The following CAGE1 variants were observed in gnomAD, a reference collection of about 807,000 sequenced individuals.
The protein encoded by CAGE1 is cancer antigen 1.
In CAGE1, 66 loss-of-function variants were observed where a neutral mutation model predicts 94.9. The observed-to-expected ratio is 0.70, with a 90% CI of 0.57 to 0.85. CAGE1 has a LOEUF of 0.85. Ranked by LOEUF, CAGE1 falls within the 40% of genes least tolerant of loss-of-function variation. The pLI is 0.00. For missense variants in CAGE1, 865 were observed against 950.4 expected, an observed-to-expected ratio of 0.91 and a Z score of 1.18; for synonymous variants, 319 against 321.0, an observed-to-expected ratio of 0.99 and a Z score of 0.07.
At chr6:7,341,358 T>C in intron 11 of CAGE1, 1 of 744,164 alleles carries the variant, frequency 1.3e-6, no homozygotes, top group South Asian at 1.4e-5. Context: ...GGTCCTGTTG[T>C]GATCAGGCAG....
intron 11 of CAGE1, among the ~76,000 whole-genome samples, chr6:7,346,926 G>A (rs1206000862): frequency 2.6e-5 from 4 of 152,038 alleles, no homozygotes; most frequent in African/African-American, 7.2e-5. Context: ...TTATGATAAA[G>A]CCTAAATTCA....
Position 7,377,303 on chromosome 6 carries a change from T to C in CAGE1, c.687+1314A>G, listed in dbSNP as rs1246426660. Among the ~76,000 whole-genome samples the C allele has an allele frequency of 3.9e-5, 6 of 152,240 alleles. No individual in the cohort carries two copies. In the East Asian group the frequency reaches 1.2e-3, roughly 29 times the overall value. On this transcript the variant is annotated intron_variant, in intron 4 of 13. Transcript: ENST00000502583. ...CAATCTTGCGAAACCCTATTTAAGC[T>C]GATTTTTAAAAGGTTGTTTTCCAGA...
At position 7,377,732 on chromosome 6, in the gene CAGE1, G is replaced by A. The variant is rs140595925; in HGVS notation, c.687+885C>T. Among the ~76,000 whole-genome samples the A allele has an allele frequency of 2.8e-3, 432 of 152,150 alleles. 3 individuals carry two copies. Among genetic ancestry groups the A allele is most frequent in the African/African-American group, 9.5e-3 (395 of 41,510 alleles). The stretch of plus-strand genomic sequence containing the variant: ...AGCCTGGGCAACAGAGTGAGACTCC[G>A]TATCAAAAACAAAACAAAACAACAA... On this transcript the variant is annotated intron_variant, in intron 4 of 13. Transcript: ENST00000502583.
intron 13 of CAGE1, chr6:7,329,413 C>T (rs377280096): frequency 1.0e-3 from 359 of 345,610 alleles, no homozygotes; most frequent in African/African-American, 6.0e-3. Flanking sequence ...TTATACGCCT[C>T]GCCAAGGAGC....
At position 7,373,695 on chromosome 6, in the gene CAGE1, T is replaced by G; in HGVS notation, c.1124A>C (p.Lys375Thr). Reference protein sequence around the residue: ...IEDKYKIILEKNDTKKTLQNL... With the variant: ...IEDKYKIILETNDTKKTLQNL... ...CTGCAATGTCTTTTTAGTATCATTCTTCTCTAGGATTATTTTGTATTTGTC... is the reference window on the plus strand; with the variant it reads ...CTGCAATGTCTTTTTAGTATCATTCGTCTCTAGGATTATTTTGTATTTGTC... The change falls in exon 5 of 14, where the codon AAG becomes ACG. Residue 375 changes from lysine (K) to threonine (T), a missense_variant. Physicochemically the swap from Lys to Thr is moderately conservative, Grantham distance 78 (BLOSUM62 -1). Transcript: ENST00000502583. 1 of 1,612,790 alleles carries G rather than the reference T, an allele frequency of 6.2e-7. No homozygotes were observed. Among genetic ancestry groups the G allele is most frequent in the Non-Finnish European group, 8.5e-7 (1 of 1,179,114 alleles).
intron 11 of CAGE1, among the ~76,000 whole-genome samples, chr6:7,335,309 G>C (rs1176349443): frequency 1.3e-5 from 2 of 152,112 alleles, no homozygotes; most frequent in Non-Finnish European, 2.9e-5. Context: ...TTAGAACTTG[G>C]ATATCTTTGG....
chr6:7,388,413 T>C (rs758536434), intron 1 of CAGE1, among the ~76,000 whole-genome samples: 34 of 152,214 alleles, frequency 2.2e-4, no homozygotes, highest in Non-Finnish European at 3.8e-4. Context: ...ATCTCTATCT[T>C]ACAATTCAGC....
intron 9 of CAGE1, among the ~76,000 whole-genome samples, chr6:7,356,953 C>A (rs1041957521): frequency 6.6e-6 from 1 of 152,064 alleles, no homozygotes; most frequent in African/African-American, 2.4e-5. Context: ...TGCGCCACCA[C>A]GCCCAGCTAA....
intron 11 of CAGE1, chr6:7,341,982 A>G (rs1759194475): frequency 1.3e-6 from 1 of 752,248 alleles, no homozygotes; most frequent in Non-Finnish European, 2.5e-6. Flanking sequence ...GCTTGTTCTC[A>G]CTGGTGCCAA....
chr6:7,384,746 C>T (rs1581701598), intron 3 of CAGE1, among the ~76,000 whole-genome samples: 1 of 151,528 alleles, frequency 6.6e-6, no homozygotes, highest in East Asian at 1.9e-4. Flanking sequence ...CAAGGTCTCA[C>T]TATGGTTGCC....
At chr6:7,379,283 T>G (rs1021500076) in intron 3 of CAGE1, among the ~76,000 whole-genome samples, 1 of 152,188 alleles carries the variant, frequency 6.6e-6, no homozygotes, top group Admixed American at 6.5e-5. Flanking sequence ...TTACAATAAA[T>G]TTCAAGAGAT....
At chr6:7,351,505 AC>A (rs975852275) in intron 11 of CAGE1, among the ~76,000 whole-genome samples, 44 of 149,920 alleles carry the variant, frequency 2.9e-4, no homozygotes, top group African/African-American at 1.0e-3. Flanking sequence ...AAAAAAGAAA[AC>A]TACCCTAAAA....
At chr6:7,358,027 G>GAGAGATATATATAT (rs1314868882) in intron 9 of CAGE1, among the ~76,000 whole-genome samples, 1 of 48,086 alleles carries the variant, frequency 2.1e-5, no homozygotes, top group Admixed American at 3.0e-4. Context: ...TAAGTTTTGA[G>GAGAGATATATATAT]ATATATATAT....
At chr6:7,345,065 G>GT (rs1561851441) in intron 11 of CAGE1, among the ~76,000 whole-genome samples, 2 of 151,902 alleles carry the variant, frequency 1.3e-5, no homozygotes, top group African/African-American at 4.8e-5. Flanking sequence ...GGCTGGTGTT[G>GT]AAAGCTTTGT....
chr6:7,387,726 A>C (rs1187220133), intron 1 of CAGE1, among the ~76,000 whole-genome samples: 1 of 152,040 alleles, frequency 6.6e-6, no homozygotes, highest in Non-Finnish European at 1.5e-5. Flanking sequence ...CTCCTTTAAA[A>C]ATGTCTTTCA....
At chr6:7,359,475 C>A (rs776674667) in intron 9 of CAGE1, among the ~76,000 whole-genome samples, 4 of 152,234 alleles carry the variant, frequency 2.6e-5, no homozygotes, top group Non-Finnish European at 5.9e-5. Context: ...ATGGGCCTCA[C>A]TGACTGCCTT....
intron 6 of CAGE1, among the ~76,000 whole-genome samples, chr6:7,369,452 G>A (rs1760467430): frequency 6.6e-6 from 1 of 152,186 alleles, no homozygotes; most frequent in Admixed American, 6.5e-5. Flanking sequence ...GAAATGATAA[G>A]CCAGCATCTG....
chr6:7,338,739 CTGT>C, intron 11 of CAGE1: 2 of 681,798 alleles, frequency 2.9e-6, no homozygotes, highest in Non-Finnish European at 5.2e-6. Context: ...CCAAAGTCCA[CTGT>C]ATCATTCTTT....
At chr6:7,328,678 A>G (rs1199978190) in intron 13 of CAGE1, among the ~76,000 whole-genome samples, 1 of 152,142 alleles carries the variant, frequency 6.6e-6, no homozygotes, top group Non-Finnish European at 1.5e-5. Context: ...AATAAGTCCC[A>G]GTGTTCTGTA....
Sources: allele counts gnomAD v4.1 joint callset (sites outside exome capture counted in the v4.1 genomes callset), GRCh38; gene constraint gnomAD v4.1.1; transcripts MANE v1.5; gene names NCBI Gene and HGNC (gene_info 2026-07-23, HGNC 2026-07-21).